TRHDE: variants seen among roughly 807,000 people sequenced by gnomAD.
TRHDE encodes the protein thyrotropin releasing hormone degrading enzyme, also known as thyrotropin-releasing hormone-degrading ectoenzyme.
In TRHDE, 72 loss-of-function variants were observed where a neutral mutation model predicts 125.7. That is an observed-to-expected ratio of 0.57 (90% CI 0.47 to 0.70). TRHDE has a LOEUF of 0.70. Ranked by LOEUF, TRHDE falls within the 30% of genes least tolerant of loss-of-function variation. TRHDE has a pLI of 0.00. For synonymous variants in TRHDE, 509 were observed against 509.1 expected (o/e 1.00, Z 0.00); for missense variants, 1,110 against 1,327.1 (o/e 0.84, Z 2.54).
rs1875157231 is a variant in TRHDE, at chr12:72,667,776, A to G, written c.*4581A>G. The stretch of plus-strand genomic sequence containing the variant: ...AAATATGTTACATTTTGAAATTATA[A>G]TAAAATAATAGAGTTTAAACTCTAA... On this transcript the variant is annotated 3_prime_UTR_variant, in exon 19 of 19. Coordinates refer to ENST00000261180, the MANE Select transcript of TRHDE (RefSeq NM_013381.3). 1 of 151,746 alleles carries G rather than the reference A, an allele frequency of 6.6e-6. No homozygotes were observed. The allele number at this position is 151,746 out of a possible 1,614,324, so 9.4% of individuals were successfully genotyped here.
intron 2 of TRHDE, among the ~76,000 whole-genome samples, chr12:72,121,511 A>G (rs138352862): frequency 1.1e-4 from 16 of 152,230 alleles, no homozygotes; most frequent in African/African-American, 3.4e-4. Context: ...CTGAGTTCCA[A>G]TGCAAAGTAC....
In TRHDE at chr12:72,267,129, G is replaced by C. The variant is rs559174140; in HGVS notation, n.280-110866G>C. ...ACTAGACAAATTAACTAGTTTAACG[G>C]AAACATTTCTGGAACAAGAGTTAAT... On this transcript the variant is annotated intron_variant and non_coding_transcript_variant, in intron 2 of 4. Transcript: ENST00000548156. Among the ~76,000 whole-genome samples, 15 of 152,086 alleles carry C rather than the reference G, an allele frequency of 9.9e-5. No homozygotes were observed. In the South Asian group the frequency reaches 3.1e-3, roughly 32 times the overall value.
chr12:72,495,061 T>TA (rs72435999), intron 5 of TRHDE, among the ~76,000 whole-genome samples: 17 of 16,900 alleles, frequency 1.0e-3, no homozygotes, highest in Non-Finnish European at 1.8e-3. Context: ...TCCTCCCCCG[T>TA]TTTTTTTTTT....
intron 2 of TRHDE, among the ~76,000 whole-genome samples, chr12:72,135,698 T>C (rs1469936070): frequency 6.6e-6 from 1 of 152,148 alleles, no homozygotes; most frequent in Non-Finnish European, 1.5e-5. Flanking sequence ...GATTGATGAG[T>C]AGTGTTCTCT....
At chr12:72,280,205 A>C (rs1651970833) in intron 1 of TRHDE, among the ~76,000 whole-genome samples, 1 of 152,176 alleles carries the variant, frequency 6.6e-6, no homozygotes, top group Non-Finnish European at 1.5e-5. Flanking sequence ...CTGTGTGTCT[A>C]GTGTCCTCAT....
Position 72,096,134 on chromosome 12 carries a change from TACAC to T in TRHDE, n.174+8725_174+8728del, listed in dbSNP as rs144560604. ...TAAGATAAATCTTTTCTTATGTGTA[TACAC>T]ACACACACACACACACACACACACA... is the stretch of plus-strand genomic sequence containing the variant. On this transcript the variant is annotated intron_variant and non_coding_transcript_variant, in intron 1 of 4. Transcript: ENST00000548156. 2.5e-3 allele frequency among the ~76,000 whole-genome samples: 368 copies of T among 145,188 alleles called. 4 individuals carry two copies. The highest frequency in any genetic ancestry group is 8.8e-3 in the African/African-American group (344 of 39,102).
chr12:72,208,098 G>A (rs1206081836), intron 2 of TRHDE, among the ~76,000 whole-genome samples: 1 of 152,094 alleles, frequency 6.6e-6, no homozygotes, highest in Non-Finnish European at 1.5e-5. Flanking sequence ...GTCTCATGGA[G>A]TTCCTCTTAA....
chr12:72,411,439 G>C (rs1054017026), intron 3 of TRHDE, among the ~76,000 whole-genome samples: 2 of 151,796 alleles, frequency 1.3e-5, no homozygotes, highest in African/African-American at 4.8e-5. Context: ...ATCTAACAAA[G>C]ATGTATAAGA....
At chr12:72,630,406 G>T (rs938806635) in intron 15 of TRHDE, among the ~76,000 whole-genome samples, 4 of 151,648 alleles carry the variant, frequency 2.6e-5, no homozygotes, top group Non-Finnish European at 5.9e-5. Flanking sequence ...CTGGAGAGAG[G>T]CATGGGTATA....
chr12:72,178,967 G>A (rs1877043272), intron 2 of TRHDE, among the ~76,000 whole-genome samples: 1 of 151,964 alleles, frequency 6.6e-6, no homozygotes, highest in Admixed American at 6.6e-5. Flanking sequence ...ATATATAGAA[G>A]AACAATTTGG....
intron 2 of TRHDE, among the ~76,000 whole-genome samples, chr12:72,149,867 A>C (rs552238869): frequency 1.3e-5 from 2 of 152,188 alleles, no homozygotes; most frequent in African/African-American, 4.8e-5. Context: ...TTTATATTAT[A>C]ATTATTCATG....
chr12:72,117,249 T>C (rs1215440492), intron 2 of TRHDE, among the ~76,000 whole-genome samples: 1 of 152,192 alleles, frequency 6.6e-6, no homozygotes, highest in Non-Finnish European at 1.5e-5. Flanking sequence ...TGATTTGTTT[T>C]TTTATATGGT....
chr12:72,158,814 C>T (rs763111800), intron 2 of TRHDE, among the ~76,000 whole-genome samples: 7 of 152,146 alleles, frequency 4.6e-5, no homozygotes, highest in Non-Finnish European at 8.8e-5. Context: ...ACTTCATGAA[C>T]ATCTGATTTT....
At chr12:72,128,268 T>C (rs1875772308) in intron 2 of TRHDE, among the ~76,000 whole-genome samples, 1 of 152,216 alleles carries the variant, frequency 6.6e-6, no homozygotes, top group African/African-American at 2.4e-5. Flanking sequence ...AAATGATCAG[T>C]GTTTAGCCAT....
chr12:72,174,326 T>C (rs1876941647), intron 2 of TRHDE, among the ~76,000 whole-genome samples: 1 of 152,190 alleles, frequency 6.6e-6, no homozygotes, highest in African/African-American at 2.4e-5. Context: ...GAATTAATGT[T>C]TGTGGCTTTA....
chr12:72,121,253 G>A (rs867005253), intron 2 of TRHDE, among the ~76,000 whole-genome samples: 3 of 152,186 alleles, frequency 2.0e-5, no homozygotes, highest in South Asian at 2.1e-4. Flanking sequence ...TATTCCCACT[G>A]GCTCTGCTGG....
chr12:72,244,283 A>G (rs771748568), intron 2 of TRHDE, among the ~76,000 whole-genome samples: 1 of 152,170 alleles, frequency 6.6e-6, no homozygotes, highest in South Asian at 2.1e-4. Flanking sequence ...AACCTGAAGC[A>G]CACATAGGAG....
intron 12 of TRHDE, among the ~76,000 whole-genome samples, chr12:72,606,053 C>T (rs975508079): frequency 5.9e-5 from 9 of 152,128 alleles, no homozygotes; most frequent in African/African-American, 2.2e-4. Context: ...ACTTCATTTT[C>T]ATTGTTTCCA....
intron 3 of TRHDE, among the ~76,000 whole-genome samples, chr12:72,414,154 A>G (rs939121527): frequency 1.3e-5 from 2 of 152,128 alleles, no homozygotes; most frequent in African/African-American, 4.8e-5. Context: ...ATTTGAGGAT[A>G]CATGCTGACA....
Sources: gnomAD v4.1 joint callset for allele counts (sites outside exome capture counted in the v4.1 genomes callset) on GRCh38, gnomAD v4.1.1 for gene constraint, MANE v1.5 for transcripts, NCBI Gene and HGNC (gene_info 2026-07-23, HGNC 2026-07-21) for gene names.